The following NENF variants were observed in gnomAD, a reference collection of about 807,000 sequenced individuals.
NENF encodes neudesin.
A neutral mutation model predicts 14.8 loss-of-function variants in NENF; 6 were observed. The ratio of observed to expected loss-of-function variants is 0.40; its 90% CI spans 0.22 to 0.80. NENF has a LOEUF of 0.80. NENF is among the 30% of genes least tolerant of loss of function. The pLI is 0.34. For missense variants in NENF, 184 were observed against 212.7 expected (o/e 0.87, Z 0.84); for synonymous variants, 76 against 95.1 (o/e 0.80, Z 1.17).
chr1:212,436,431 T>C (rs1267844553), intron 1 of NENF, among the ~76,000 whole-genome samples: 1 of 148,782 alleles, frequency 6.7e-6, no homozygotes, highest in Non-Finnish European at 1.5e-5. Flanking sequence ...TACCTCAGCC[T>C]CCCGAGTAGC....
At chr1:212,444,525 G>T in intron 3 of NENF, 83 bp downstream of exon 3, 1 of 246,778 alleles carries the variant, frequency 4.1e-6, no homozygotes, top group Non-Finnish European at 6.9e-6. Flanking sequence ...TTTCGTGTGT[G>T]TGTGTGTGTG....
At chr1:212,444,985 T>C (rs1417033693) in intron 3 of NENF, among the ~76,000 whole-genome samples, 1 of 152,134 alleles carries the variant, frequency 6.6e-6, no homozygotes, top group African/African-American at 2.4e-5. Context: ...CCAGGAGTGG[T>C]GGATCATGCC....
chr1:212,438,669 G>T (rs1485758783), intron 1 of NENF, among the ~76,000 whole-genome samples: 4 of 149,886 alleles, frequency 2.7e-5, no homozygotes, highest in Non-Finnish European at 5.9e-5. Context: ...ATCAAAGCTG[G>T]AGTGCAGTAG....
chr1:212,445,678 C>T, intron 3 of NENF, 152 bp from the exon 4 acceptor site: 1 of 311,692 alleles, frequency 3.2e-6, no homozygotes, highest in South Asian at 3.0e-5. Context: ...ACAGCAGTGT[C>T]TCTTAAGCCA....
At chr1:212,440,058 C>T (rs1423915374) in intron 1 of NENF, among the ~76,000 whole-genome samples, 1 of 151,892 alleles carries the variant, frequency 6.6e-6, no homozygotes, top group African/African-American at 2.4e-5. Flanking sequence ...TTGAGACCAG[C>T]CTGGCCAACA....
At chr1:212,439,363 T>C (rs1270059197) in intron 1 of NENF, among the ~76,000 whole-genome samples, 1 of 142,514 alleles carries the variant, frequency 7.0e-6, no homozygotes, top group African/African-American at 2.7e-5. Context: ...AGAAACCCCA[T>C]CTCTACTAAA....
At chr1:212,441,184 T>A (rs1200036152) in intron 1 of NENF, among the ~76,000 whole-genome samples, 1 of 152,226 alleles carries the variant, frequency 6.6e-6, no homozygotes, top group Non-Finnish European at 1.5e-5. Flanking sequence ...CAGCATTGCT[T>A]ACATATCTCT....
intron 1 of NENF, among the ~76,000 whole-genome samples, chr1:212,442,323 C>G (rs1662711818): frequency 6.6e-6 from 1 of 152,256 alleles, no homozygotes; most frequent in South Asian, 2.1e-4. Context: ...CTGATTTTCT[C>G]TATAAAGGAG....
chr1:212,441,364 T>A (rs1662695990), intron 1 of NENF, among the ~76,000 whole-genome samples: 1 of 152,278 alleles, frequency 6.6e-6, no homozygotes, highest in Admixed American at 6.5e-5. Context: ...GTCACCAAAT[T>A]AGAAAGTAAT....
At chr1:212,436,679 A>G (rs1662606337) in intron 1 of NENF, among the ~76,000 whole-genome samples, 1 of 152,204 alleles carries the variant, frequency 6.6e-6, no homozygotes, top group African/African-American at 2.4e-5. Context: ...TATAAAGCCA[A>G]TTGATTGTAG....
intron 2 of NENF, among the ~76,000 whole-genome samples, chr1:212,443,894 C>T (rs866246165): frequency 6.6e-6 from 1 of 151,110 alleles, no homozygotes; most frequent in Admixed American, 6.6e-5. Context: ...AAAAAAAATA[C>T]AAAAATTAGC....
chr1:212,441,257 T>C (rs1161090735), intron 1 of NENF, among the ~76,000 whole-genome samples: 1 of 152,226 alleles, frequency 6.6e-6, no homozygotes, highest in Non-Finnish European at 1.5e-5. Context: ...AGTTTTCATA[T>C]ACTTAGGCCC....
intron 1 of NENF, among the ~76,000 whole-genome samples, chr1:212,439,083 A>G (rs746377307): frequency 2.0e-5 from 3 of 152,132 alleles, no homozygotes; most frequent in Admixed American, 6.5e-5. Flanking sequence ...CTGTTTACTG[A>G]TAAGACCATT....
chr1:212,442,617 C>G lies in NENF; in HGVS notation c.230C>G (p.Ser77Cys). 1 of 1,613,230 alleles carries G rather than the reference C, an allele frequency of 6.2e-7. No homozygotes were observed. Residue 77 changes from serine to cysteine, a missense_variant, in exon 2 of 4, where the codon TCC (serine) becomes TGC (cysteine). By Grantham distance (112) the Ser-to-Cys change is moderately radical. Coordinates refer to ENST00000366988, the MANE Select transcript of NENF (RefSeq NM_013349.5). Reference protein sequence around the residue: ...AVKGVVFDVTSGKEFYGRGAP... With the variant: ...AVKGVVFDVTCGKEFYGRGAP... ...AAGGGAGTGGTGTTTGATGTCACCT[C>G]CGGAAAGGGTAAGTGGTGTGGCATT... is the stretch of plus-strand genomic sequence containing the variant.
chr1:212,434,492 G>C (rs1412647912), intron 1 of NENF, among the ~76,000 whole-genome samples: 2 of 152,220 alleles, frequency 1.3e-5, no homozygotes, highest in African/African-American at 4.8e-5. Flanking sequence ...CTTGGGTGCT[G>C]AGTCTAATGG....
intron 3 of NENF, 113 bp from the exon 4 acceptor site, chr1:212,445,717 T>A: frequency 9.4e-7 from 1 of 1,058,534 alleles, no homozygotes; most frequent in Non-Finnish European, 1.4e-6. Context: ...TGTTGAGATA[T>A]CTTTTCTCTT....
intron 1 of NENF, among the ~76,000 whole-genome samples, chr1:212,439,857 C>A (rs898304771): frequency 2.0e-5 from 3 of 149,446 alleles, no homozygotes; most frequent in African/African-American, 7.3e-5. Context: ...TAGACTCCGT[C>A]CCCCCCCCAC....
chr1:212,444,192 C>A, intron 2 of NENF, 147 bp from the exon 3 acceptor site: 1 of 452,868 alleles, frequency 2.2e-6, no homozygotes, highest in Non-Finnish European at 3.9e-6. Context: ...GCTTACTGGA[C>A]TTTGTATCGC....
At chr1:212,445,519 G>T (rs991456952) in intron 3 of NENF, among the ~76,000 whole-genome samples, 2 of 152,110 alleles carry the variant, frequency 1.3e-5, no homozygotes, top group East Asian at 3.9e-4. Context: ...TAATCGGGGG[G>T]AGGAAGGGGA....
Sources: gnomAD v4.1 joint callset for allele counts (sites outside exome capture counted in the v4.1 genomes callset) on GRCh38, gnomAD v4.1.1 for gene constraint, MANE v1.5 for transcripts, NCBI Gene and HGNC (gene_info 2026-07-23, HGNC 2026-07-21) for gene names.